Variants in NRXN3 observed in about 807,000 individuals in gnomAD.
NRXN3 encodes the protein neurexin III.
A neutral mutation model predicts 137.6 loss-of-function variants in NRXN3; 32 were observed. The ratio of observed to expected loss-of-function variants is 0.23; its 90% confidence interval spans 0.18 to 0.31. The LOEUF (loss-of-function observed/expected upper bound fraction) is 0.31, where lower values mean the gene tolerates loss of function less well. Ranked by LOEUF, NRXN3 falls within the 10% of genes least tolerant of loss-of-function variation. The probability of loss-of-function intolerance (pLI) is 1.00; values close to 1 mark genes in which losing one functional copy is unlikely to be tolerated. For synonymous variants in NRXN3, 798 were observed against 784.5 expected (o/e 1.02, Z -0.29); for missense variants, 1,574 against 2,062.5 (o/e 0.76, Z 4.59).
intron 19 of NRXN3, among the ~76,000 whole-genome samples, chr14:79,758,389 A>T (rs1033535553): frequency 6.6e-6 from 1 of 151,872 alleles, no homozygotes; most frequent in Admixed American, 6.6e-5. Flanking sequence ...ATGTGTAGAG[A>T]TCTCATGGAG....
At chr14:78,290,684 C>T (rs1297875748) in intron 3 of NRXN3, among the ~76,000 whole-genome samples, 1 of 152,138 alleles carries the variant, frequency 6.6e-6, no homozygotes, top group Non-Finnish European at 1.5e-5. Flanking sequence ...TAACCCTTCC[C>T]CTTTCCTGTA....
chr14:78,266,253 C>G (rs559123936), intron 2 of NRXN3, among the ~76,000 whole-genome samples: 1 of 152,064 alleles, frequency 6.6e-6, no homozygotes, highest in Admixed American at 6.5e-5. Flanking sequence ...AATGTGAAAT[C>G]AAAATGCTTT....
intron 15 of NRXN3, among the ~76,000 whole-genome samples, chr14:79,037,671 C>T (rs1370671544): frequency 6.6e-6 from 1 of 152,142 alleles, no homozygotes; most frequent in African/African-American, 2.4e-5. Context: ...AGGAGATTCA[C>T]TCCTAAAAGA....
At chr14:79,099,742 A>G (rs1415834498) in intron 15 of NRXN3, among the ~76,000 whole-genome samples, 1 of 152,170 alleles carries the variant, frequency 6.6e-6, no homozygotes, top group Non-Finnish European at 1.5e-5. Context: ...TAAATTTGGA[A>G]AGTGTAATAT....
chr14:79,801,778 A>C (rs2099182156), intron 19 of NRXN3, among the ~76,000 whole-genome samples: 1 of 152,194 alleles, frequency 6.6e-6, no homozygotes, highest in Admixed American at 6.5e-5. Flanking sequence ...ATCAACAGAA[A>C]ACAAATCTTT....
intron 4 of NRXN3, among the ~76,000 whole-genome samples, chr14:78,589,806 G>C (rs1600934798): frequency 6.6e-6 from 1 of 152,124 alleles, no homozygotes; most frequent in African/African-American, 2.4e-5. Context: ...GGAGGCCAGG[G>C]CTGCCAAGAG....
rs377620981 is a variant in NRXN3, at chr14:79,068,149, T to C, written c.3262+80008T>C. Among the ~76,000 whole-genome samples, 83 of 152,162 alleles carry C rather than the reference T, an allele frequency of 5.5e-4. 1 individual carries two copies. Among genetic ancestry groups the C allele is most frequent in the African/African-American group, 1.9e-3 (81 of 41,552 alleles). On this transcript the variant is annotated intron_variant, in intron 15 of 20. Coordinates refer to ENST00000335750, the MANE Select transcript of NRXN3 (RefSeq NM_001330195.2). Reference sequence around the variant, plus strand: ...TGTACTAGAGGTTATCTTGTATTTGTCTCTAGTTTTTATGTTCGATTCTCA... The same window carrying C: ...TGTACTAGAGGTTATCTTGTATTTGCCTCTAGTTTTTATGTTCGATTCTCA...
At chr14:79,087,576 T>G (rs2048365682) in intron 15 of NRXN3, among the ~76,000 whole-genome samples, 1 of 152,208 alleles carries the variant, frequency 6.6e-6, no homozygotes, top group African/African-American at 2.4e-5. Flanking sequence ...TGGTGATACC[T>G]TATTAGAGTC....
At chr14:79,607,645 G>A (rs138850794) in intron 16 of NRXN3, among the ~76,000 whole-genome samples, 31 of 151,790 alleles carry the variant, frequency 2.0e-4, no homozygotes, top group Admixed American at 5.9e-4. Context: ...ATAGCCGTTT[G>A]AGCCACATAT....
At chr14:79,824,534 T>C (rs1388677279) in intron 20 of NRXN3, among the ~76,000 whole-genome samples, 1 of 152,186 alleles carries the variant, frequency 6.6e-6, no homozygotes, top group Non-Finnish European at 1.5e-5. Flanking sequence ...AAAAGCAATT[T>C]TGGAGGAGGC....
chr14:78,201,961 C>T (rs1214650184), intron 1 of NRXN3, among the ~76,000 whole-genome samples: 2 of 152,234 alleles, frequency 1.3e-5, no homozygotes, highest in East Asian at 1.9e-4. Flanking sequence ...AAATTGGCTA[C>T]AGCGACCAAG....
intron 10 of NRXN3, among the ~76,000 whole-genome samples, chr14:78,896,391 AATTAGTTAAAC>A (rs1373183463): frequency 6.6e-6 from 1 of 151,906 alleles, no homozygotes; most frequent in Non-Finnish European, 1.5e-5. Context: ...ATAATAATAG[AATTAGTTAAAC>A]ATGGTGATTA....
At chr14:79,819,893 C>T (rs956017764) in intron 20 of NRXN3, among the ~76,000 whole-genome samples, 1 of 152,066 alleles carries the variant, frequency 6.6e-6, no homozygotes, top group Non-Finnish European at 1.5e-5. Context: ...CCAGCTTGTA[C>T]ACTACATATT....
chr14:78,989,389 C>T (rs1163195698), intron 15 of NRXN3, among the ~76,000 whole-genome samples: 1 of 152,052 alleles, frequency 6.6e-6, no homozygotes, highest in Non-Finnish European at 1.5e-5. Context: ...GTCCCATATG[C>T]TCTTTCATTC....
At chr14:78,522,161 T>G (rs11622407) in intron 4 of NRXN3, among the ~76,000 whole-genome samples, 55,632 of 152,070 alleles carry the variant, frequency 0.37, 10,655 homozygotes, top group Admixed American at 0.42. Context: ...TAATATTTAC[T>G]ACATATCTAC....
At chr14:78,499,995 C>G (rs186904651) in intron 4 of NRXN3, among the ~76,000 whole-genome samples, 1 of 152,130 alleles carries the variant, frequency 6.6e-6, no homozygotes, top group African/African-American at 2.4e-5. Context: ...ACAAGTTCAA[C>G]GCAAACTCTA....
intron 8 of NRXN3, among the ~76,000 whole-genome samples, chr14:78,797,825 C>A (rs2098826650): frequency 6.6e-6 from 1 of 152,118 alleles, no homozygotes; most frequent in Non-Finnish European, 1.5e-5. Flanking sequence ...TGGTGGCAGA[C>A]AAGAGAGAAA....
intron 20 of NRXN3, among the ~76,000 whole-genome samples, chr14:79,819,212 T>C (rs528324383): frequency 1.8e-3 from 271 of 152,290 alleles, no homozygotes; most frequent in Non-Finnish European, 3.2e-3. Flanking sequence ...TCAGCTCTTA[T>C]AATGACACAT....
At chr14:78,366,056 C>T (rs1367560223) in intron 4 of NRXN3, among the ~76,000 whole-genome samples, 1 of 152,066 alleles carries the variant, frequency 6.6e-6, no homozygotes, top group Non-Finnish European at 1.5e-5. Flanking sequence ...GTTATCTAAC[C>T]TCTCAAGCCT....
Sources: allele counts gnomAD v4.1 joint callset (sites outside exome capture counted in the v4.1 genomes callset), GRCh38; gene constraint gnomAD v4.1.1; transcripts MANE v1.5; gene names NCBI Gene and HGNC (gene_info 2026-07-23, HGNC 2026-07-21).